Variants in LRRC4C observed in about 807,000 individuals in gnomAD.
LRRC4C encodes leucine-rich repeat-containing protein 4C.
Under a neutral mutation model 33.6 loss-of-function variants are expected in LRRC4C, and 5 were observed. The observed-to-expected ratio is 0.15, with a 90% CI of 0.08 to 0.31. The LOEUF (loss-of-function observed/expected upper bound fraction) is 0.31. Among genes scored for constraint, LRRC4C ranks in the 10% least tolerant of loss-of-function variants. The pLI, the probability that LRRC4C is intolerant of heterozygous loss-of-function variation, is 1.00. For synonymous variants in LRRC4C, 329 were observed against 302.0 expected (o/e 1.09, Z -0.93); for missense variants, 560 against 796.7 (o/e 0.70, Z 3.58).
chr11:40,969,442 T>C (rs1345394398), intron 1 of LRRC4C, among the ~76,000 whole-genome samples: 5 of 136,680 alleles, frequency 3.7e-5, no homozygotes, highest in Admixed American at 3.2e-4. Flanking sequence ...TAAAATGCTA[T>C]CAAACAGCAT....
intron 1 of LRRC4C, among the ~76,000 whole-genome samples, chr11:40,964,038 A>G (rs138658294): frequency 6.6e-6 from 1 of 150,836 alleles, no homozygotes; most frequent in South Asian, 2.1e-4. Flanking sequence ...TTTTTTTCCC[A>G]CCTGCCAATA....
intron 1 of LRRC4C, among the ~76,000 whole-genome samples, chr11:41,013,779 T>G (rs2137568445): frequency 6.6e-6 from 1 of 152,164 alleles, no homozygotes; most frequent in South Asian, 2.1e-4. Flanking sequence ...GAAAAGAAAT[T>G]TAGTTGGCTT....
At chr11:40,796,650 T>A (rs567276366) in intron 2 of LRRC4C, among the ~76,000 whole-genome samples, 44 of 138,376 alleles carry the variant, frequency 3.2e-4, no homozygotes, top group East Asian at 2.9e-3. Context: ...TTTTTTTTTT[T>A]TTTTTTTTTA....
At chr11:40,510,100 A>C (rs1213417477) in intron 3 of LRRC4C, among the ~76,000 whole-genome samples, 1 of 151,778 alleles carries the variant, frequency 6.6e-6, no homozygotes. Context: ...TTTACATTTT[A>C]ATTACTTACA....
chr11:41,376,239 C>A (rs144173493), intron 1 of LRRC4C, among the ~76,000 whole-genome samples: 257 of 152,234 alleles, frequency 1.7e-3, no homozygotes, highest in Non-Finnish European at 3.2e-3. Flanking sequence ...TGCCTGGCCA[C>A]AAGGGAGTGT....
intron 1 of LRRC4C, among the ~76,000 whole-genome samples, chr11:41,371,857 C>T (rs1314551179): frequency 6.6e-6 from 1 of 152,214 alleles, no homozygotes; most frequent in African/African-American, 2.4e-5. Context: ...GAAATTGGGC[C>T]GGGCGCGGTG....
intron 3 of LRRC4C, among the ~76,000 whole-genome samples, chr11:40,537,403 T>C (rs1389055509): frequency 6.6e-6 from 1 of 152,190 alleles, no homozygotes; most frequent in Non-Finnish European, 1.5e-5. Context: ...AAGGCTGAAT[T>C]TGAACTCCAG....
chr11:40,835,374 C>T (rs1952623474), intron 2 of LRRC4C, among the ~76,000 whole-genome samples: 1 of 152,140 alleles, frequency 6.6e-6, no homozygotes, highest in Non-Finnish European at 1.5e-5. Context: ...AACATCTGCT[C>T]CCATTTCTGT....
At chr11:40,993,105 T>C (rs1002367835) in intron 1 of LRRC4C, among the ~76,000 whole-genome samples, 4 of 152,184 alleles carry the variant, frequency 2.6e-5, no homozygotes, top group African/African-American at 9.6e-5. Context: ...TATTTATGAA[T>C]CCAAGTTATT....
At chr11:41,234,920 C>A (rs1020482124) in intron 1 of LRRC4C, among the ~76,000 whole-genome samples, 1 of 152,042 alleles carries the variant, frequency 6.6e-6, no homozygotes, top group Non-Finnish European at 1.5e-5. Context: ...TATGGTATAA[C>A]ATCCCTTATA....
At chr11:40,908,025 C>A (rs1054186091) in intron 2 of LRRC4C, among the ~76,000 whole-genome samples, 3 of 152,132 alleles carry the variant, frequency 2.0e-5, no homozygotes, top group Non-Finnish European at 4.4e-5. Context: ...TAATCAGACA[C>A]ACAACTTCAG....
At chr11:40,491,541 G>T (rs1370609884) in intron 3 of LRRC4C, among the ~76,000 whole-genome samples, 1 of 152,074 alleles carries the variant, frequency 6.6e-6, no homozygotes, top group Non-Finnish European at 1.5e-5. Context: ...TAAGTTTCTT[G>T]TGGTTGTAGG....
At chr11:40,884,135 A>G (rs1449795869) in intron 2 of LRRC4C, among the ~76,000 whole-genome samples, 1 of 151,122 alleles carries the variant, frequency 6.6e-6, no homozygotes, top group African/African-American at 2.4e-5. Flanking sequence ...TTATTGTTCA[A>G]CTCCCACTTA....
intron 1 of LRRC4C, among the ~76,000 whole-genome samples, chr11:41,326,955 A>G (rs1951140106): frequency 2.0e-5 from 3 of 152,214 alleles, no homozygotes; most frequent in Admixed American, 1.3e-4. Flanking sequence ...CTTGTAGATT[A>G]CACTGTCAAT....
At chr11:40,264,442 GACTC>G (rs1202006590) in intron 4 of LRRC4C, among the ~76,000 whole-genome samples, 1 of 152,062 alleles carries the variant, frequency 6.6e-6, no homozygotes, top group Non-Finnish European at 1.5e-5. Flanking sequence ...CTATACTTCT[GACTC>G]ACTCTAGTCA....
intron 1 of LRRC4C, among the ~76,000 whole-genome samples, chr11:41,129,841 G>A (rs1431914394): frequency 6.6e-6 from 1 of 151,810 alleles, no homozygotes; most frequent in Admixed American, 6.6e-5. Flanking sequence ...CTCCCCACAT[G>A]TGTTTAACTA....
At chr11:41,214,789 ATGTGTGTATATATATGTG>A (rs940158083) in intron 1 of LRRC4C, among the ~76,000 whole-genome samples, 1 of 144,286 alleles carries the variant, frequency 6.9e-6, no homozygotes, top group African/African-American at 2.6e-5. Context: ...ACATATATAT[ATGTGTGTATATATATGTG>A]TGTGTGTATA....
chr11:40,663,105 G>A (rs1943536070), intron 2 of LRRC4C, among the ~76,000 whole-genome samples: 1 of 152,114 alleles, frequency 6.6e-6, no homozygotes, highest in Non-Finnish European at 1.5e-5. Context: ...TTTTGAGACG[G>A]AGTCTCACTC....
intron 2 of LRRC4C, among the ~76,000 whole-genome samples, chr11:40,741,190 A>G (rs2136905614): frequency 6.6e-6 from 1 of 152,188 alleles, no homozygotes; most frequent in South Asian, 2.1e-4. Flanking sequence ...AATCTAACGT[A>G]TTGATCTCAA....
Sources: allele counts gnomAD v4.1 joint callset (sites outside exome capture counted in the v4.1 genomes callset), GRCh38; gene constraint gnomAD v4.1.1; transcripts MANE v1.5; gene names NCBI Gene and HGNC (gene_info 2026-07-23, HGNC 2026-07-21).